The following PRELID2 variants were observed in gnomAD, a reference collection of about 807,000 sequenced individuals.
PRELID2 encodes PRELI domain-containing protein 2.
Under a neutral mutation model 28.4 loss-of-function variants are expected in PRELID2, and 25 were observed. The ratio of observed to expected loss-of-function variants is 0.88; its 90% CI spans 0.64 to 1.23. The LOEUF (loss-of-function observed/expected upper bound fraction) is 1.23. PRELID2 is among the 50% of genes most tolerant of loss of function. PRELID2 has a pLI of 0.00. For missense variants in PRELID2, 201 were observed against 214.4 expected (o/e 0.94, Z 0.39); for synonymous variants, 76 against 71.6 (o/e 1.06, Z -0.31).
At chr5:145,614,232 T>C (rs575995495) in intron 1 of PRELID2, among the ~76,000 whole-genome samples, 88 of 152,356 alleles carry the variant, frequency 5.8e-4, no homozygotes, top group Middle Eastern at 3.4e-3. Context: ...CCTTATTGTG[T>C]AGTTTGAAAT....
the PRELID2 span, among the ~76,000 whole-genome samples, chr5:145,265,309 A>G: frequency 6.6e-6 from 1 of 152,210 alleles, no homozygotes; most frequent in African/African-American, 2.4e-5. Context: ...CTGCTGAAAG[A>G]AATCATAGAT....
chr5:145,501,702 C>T (rs1390067628), intron 1 of PRELID2, among the ~76,000 whole-genome samples: 1 of 152,096 alleles, frequency 6.6e-6, no homozygotes, highest in Non-Finnish European at 1.5e-5. Context: ...TTATAAATTA[C>T]CCAGTCTCGG....
the PRELID2 span, among the ~76,000 whole-genome samples, chr5:145,385,062 G>A: frequency 1.8e-4 from 27 of 152,244 alleles, no homozygotes; most frequent in Non-Finnish European, 2.9e-4. Flanking sequence ...GGGTCGATAG[G>A]AATGTGTTAC....
the PRELID2 span, among the ~76,000 whole-genome samples, chr5:145,304,196 C>T: frequency 3.3e-5 from 5 of 151,974 alleles, no homozygotes; most frequent in African/African-American, 4.8e-5. Flanking sequence ...TTACTATATA[C>T]AAGTAATGTC....
At chr5:145,501,562 G>T (rs1014475230) in intron 1 of PRELID2, among the ~76,000 whole-genome samples, 3 of 152,080 alleles carry the variant, frequency 2.0e-5, no homozygotes, top group African/African-American at 7.2e-5. Context: ...GTTTTATAAG[G>T]GGAAACCCCT....
At chr5:145,818,739 A>G (rs1234215910) in intron 3 of PRELID2, among the ~76,000 whole-genome samples, 2 of 152,230 alleles carry the variant, frequency 1.3e-5, no homozygotes, top group Admixed American at 1.3e-4. Context: ...ACACTGAAGA[A>G]TGTGACAGTC....
chr5:145,333,929 C>A, the PRELID2 span, among the ~76,000 whole-genome samples: 1 of 152,054 alleles, frequency 6.6e-6, no homozygotes, highest in South Asian at 2.1e-4. Context: ...AAGGGAATCT[C>A]CTGGTCTGTG....
intron 1 of PRELID2, among the ~76,000 whole-genome samples, chr5:145,703,212 A>G (rs1365166339): frequency 6.6e-6 from 1 of 152,244 alleles, no homozygotes; most frequent in African/African-American, 2.4e-5. Flanking sequence ...TCAGATAGGA[A>G]TTTTTATGCA....
At chr5:145,550,338 G>A (rs1433433237) in intron 1 of PRELID2, among the ~76,000 whole-genome samples, 4 of 152,158 alleles carry the variant, frequency 2.6e-5, no homozygotes, top group Non-Finnish European at 5.9e-5. Context: ...GAAGTCTGGA[G>A]TTTACCAGGA....
chr5:145,240,871 T>C, the PRELID2 span, among the ~76,000 whole-genome samples: 1 of 152,028 alleles, frequency 6.6e-6, no homozygotes, highest in Admixed American at 6.6e-5. Flanking sequence ...CCATAAACCT[T>C]GTTTATGTGT....
chr5:145,696,388 TTTCATTCG>T (rs1416987583), intron 1 of PRELID2, among the ~76,000 whole-genome samples: 1 of 152,130 alleles, frequency 6.6e-6, no homozygotes, highest in Non-Finnish European at 1.5e-5. Context: ...CAGAGACACC[TTTCATTCG>T]TTCGTTCATT....
At chr5:145,328,195 T>G in the PRELID2 span, among the ~76,000 whole-genome samples, 1 of 152,178 alleles carries the variant, frequency 6.6e-6, no homozygotes, top group African/African-American at 2.4e-5. Context: ...TGATGGGCAT[T>G]TGGGCTGGTT....
At chr5:145,731,824 A>G (rs966940147) in intron 1 of PRELID2, among the ~76,000 whole-genome samples, 1 of 152,196 alleles carries the variant, frequency 6.6e-6, no homozygotes, top group African/African-American at 2.4e-5. Context: ...TCCAGGGGGA[A>G]ATCTGAACCC....
the PRELID2 span, among the ~76,000 whole-genome samples, chr5:145,274,863 G>A: frequency 4.6e-5 from 7 of 152,126 alleles, no homozygotes; most frequent in African/African-American, 9.7e-5. Context: ...GTGGCTTAAA[G>A]AACAGAAATT....
At chr5:145,612,228 T>C (rs1372255574) in intron 1 of PRELID2, among the ~76,000 whole-genome samples, 1 of 152,184 alleles carries the variant, frequency 6.6e-6, no homozygotes. Context: ...ATACACAATG[T>C]AAGTAAATAT....
chr5:145,506,546 T>C (rs1345008400), intron 1 of PRELID2, among the ~76,000 whole-genome samples: 2 of 152,098 alleles, frequency 1.3e-5, no homozygotes, highest in African/African-American at 2.4e-5. Flanking sequence ...TTGTGCGTAA[T>C]AGGAGTACAA....
At chr5:145,644,447 A>ATTTTCTTCTTTTATTTCTT (rs1754163126) in intron 1 of PRELID2, among the ~76,000 whole-genome samples, 1 of 148,962 alleles carries the variant, frequency 6.7e-6, no homozygotes, top group Non-Finnish European at 1.5e-5. Context: ...ATTTTGTTGA[A>ATTTTCTTCTTTTATTTCTT]CTTTTCAAAA....
chr5:145,239,656 A>G, the PRELID2 span, among the ~76,000 whole-genome samples: 2 of 152,072 alleles, frequency 1.3e-5, no homozygotes, highest in Non-Finnish European at 2.9e-5. Flanking sequence ...AAATGCCATT[A>G]TTTAAAAAGA....
rs1192466589 is a variant in PRELID2 at position 145,675,684 on chromosome 5, GT to G, written n.70+89246del. ...GTGCACAGGCCAAATCTCCAGGCCT[GT>G]TTCTATACAGCCTAGAAGTTGAGAG... On this transcript the variant is annotated intron_variant and non_coding_transcript_variant, in intron 1 of 2. Transcript: ENST00000510259. 2.0e-5 allele frequency among the ~76,000 whole-genome samples: 3 copies of G among 152,160 alleles called. No individual in the cohort carries two copies. In the East Asian group the frequency reaches 5.8e-4, roughly 29 times the overall value.
Sources: gnomAD v4.1 joint callset for allele counts (sites outside exome capture counted in the v4.1 genomes callset) on GRCh38, gnomAD v4.1.1 for gene constraint, MANE v1.5 for transcripts, NCBI Gene and HGNC (gene_info 2026-07-23, HGNC 2026-07-21) for gene names.